The following MED12L variants were observed in gnomAD, a reference collection of about 807,000 sequenced individuals.
The protein encoded by MED12L is mediator complex subunit 12L, also known as mediator of RNA polymerase II transcription subunit 12-like protein.
Under a neutral mutation model 281.3 loss-of-function variants are expected in MED12L, and 60 were observed. The observed-to-expected ratio is 0.21, with a 90% CI of 0.17 to 0.26. The LOEUF is 0.26. Among genes scored for constraint, MED12L ranks in the 10% least tolerant of loss-of-function variants. MED12L has a pLI of 1.00. For synonymous variants in MED12L, 974 were observed against 987.2 expected (o/e 0.99, Z 0.25); for missense variants, 2,146 against 2,680.9 (o/e 0.80, Z 4.41).
chr3:151,134,894 A>G (rs1041531348), intron 5 of MED12L, among the ~76,000 whole-genome samples: 1 of 152,154 alleles, frequency 6.6e-6, no homozygotes, highest in Non-Finnish European at 1.5e-5. Context: ...TTTGTTTGCC[A>G]GAGTGAGATA....
chr3:151,274,519 C>T (rs1355930359), intron 16 of MED12L, among the ~76,000 whole-genome samples: 1 of 152,216 alleles, frequency 6.6e-6, no homozygotes, highest in Non-Finnish European at 1.5e-5. Context: ...GAACATTCAA[C>T]ACTAAAGGCC....
chr3:151,408,125 G>A (rs546013517), intron 39 of MED12L, among the ~76,000 whole-genome samples: 15 of 152,304 alleles, frequency 9.8e-5, no homozygotes, highest in African/African-American at 3.4e-4. Flanking sequence ...GGCACTGCCA[G>A]GTCTTGCTGG....
chr3:151,298,409 C>T (rs891283587), intron 16 of MED12L, among the ~76,000 whole-genome samples: 1 of 152,192 alleles, frequency 6.6e-6, no homozygotes, highest in African/African-American at 2.4e-5. Flanking sequence ...GCTGTTTTCT[C>T]GCAATATGTG....
At chr3:151,283,457 C>T (rs1743078886) in intron 16 of MED12L, among the ~76,000 whole-genome samples, 2 of 152,200 alleles carry the variant, frequency 1.3e-5, no homozygotes, top group African/African-American at 4.8e-5. Context: ...CAGAGGAAAG[C>T]ATTTTCTTTT....
chr3:151,336,001 T>C (rs1750930983), intron 16 of MED12L, among the ~76,000 whole-genome samples: 1 of 152,182 alleles, frequency 6.6e-6, no homozygotes, highest in Non-Finnish European at 1.5e-5. Context: ...TCTCCGAACA[T>C]CTGACCTCCA....
At chr3:151,323,587 C>G (rs191554533) in intron 16 of MED12L, among the ~76,000 whole-genome samples, 69 of 152,302 alleles carry the variant, frequency 4.5e-4, no homozygotes, top group Non-Finnish European at 4.4e-5. Context: ...TTTGAATGCT[C>G]TGTTTTCTTC....
chr3:151,351,054 C>T (rs772754475), intron 17 of MED12L, among the ~76,000 whole-genome samples: 8 of 152,168 alleles, frequency 5.3e-5, no homozygotes, highest in Non-Finnish European at 1.2e-4. Context: ...ATGTAAACAA[C>T]ATTCTTCCTG....
chr3:151,142,582 A>G (rs1717180544), intron 5 of MED12L, among the ~76,000 whole-genome samples: 1 of 152,162 alleles, frequency 6.6e-6, no homozygotes, highest in Non-Finnish European at 1.5e-5. Context: ...TAGAAGCAAT[A>G]ATTCTTACCA....
chr3:151,212,957 A>G (rs941243326), intron 16 of MED12L: 3 of 156,344 alleles, frequency 1.9e-5, no homozygotes, highest in African/African-American at 4.8e-5. Context: ...GTTGTCTTTG[A>G]TTATGTTGTG....
At chr3:151,254,971 G>C (rs1211609935) in intron 16 of MED12L, among the ~76,000 whole-genome samples, 8 of 152,088 alleles carry the variant, frequency 5.3e-5, no homozygotes, top group Non-Finnish European at 1.2e-4. Flanking sequence ...ACTTTGCCTT[G>C]CTGCTCTTTT....
At chr3:151,313,723 A>G (rs58724507) in intron 16 of MED12L, among the ~76,000 whole-genome samples, 4,050 of 152,190 alleles carry the variant, frequency 0.027, 162 homozygotes, top group African/African-American at 0.094. Flanking sequence ...GGGCGCCTAT[A>G]ATCCCAGCCA....
chr3:151,171,107 C>A (rs1721367495), intron 11 of MED12L, among the ~76,000 whole-genome samples: 1 of 152,180 alleles, frequency 6.6e-6, no homozygotes, highest in Admixed American at 6.5e-5. Flanking sequence ...TCTTCTACAA[C>A]ATGTACTCAC....
intron 16 of MED12L, among the ~76,000 whole-genome samples, chr3:151,275,526 A>T (rs371232509): frequency 2.0e-5 from 3 of 152,352 alleles, no homozygotes; most frequent in Non-Finnish European, 4.4e-5. Context: ...ATCTAAAAGC[A>T]TATGACCAGT....
At chr3:151,380,253 C>A (rs770692792) in intron 32 of MED12L, 29 bp downstream of exon 32, 3 of 1,382,400 alleles carry the variant, frequency 2.2e-6, no homozygotes, top group Middle Eastern at 1.8e-4. Flanking sequence ...TTAAGACAGG[C>A]AAATATCTTT....
At chr3:151,177,041 G>A (rs1722137735) in intron 11 of MED12L, among the ~76,000 whole-genome samples, 1 of 152,214 alleles carries the variant, frequency 6.6e-6, no homozygotes, top group Non-Finnish European at 1.5e-5. Flanking sequence ...GCAGAATAAA[G>A]GGGATTGTGC....
At position 151,211,639 on chromosome 3, in the gene MED12L, A is replaced by G. The variant is rs1405037994; in HGVS notation, c.2250+17973A>G. On this transcript the variant is annotated intron_variant, in intron 16 of 44. Coordinates refer to ENST00000687756, the MANE Select transcript of MED12L (RefSeq NM_001393769.1). ...TAAAATATTGATGAGGTTATAGGAC[A>G]TATGAAGTACTTTTGTTTCTTTTTT... Among the ~76,000 whole-genome samples the G allele has an allele frequency of 2.6e-5, 4 of 152,118 alleles. No individual in the cohort carries two copies. The South Asian group carries it at 8.3e-4, about 31-fold the overall frequency.
chr3:151,324,569 G>A (rs1168343320), intron 16 of MED12L, among the ~76,000 whole-genome samples: 1 of 152,204 alleles, frequency 6.6e-6, no homozygotes, highest in Admixed American at 6.5e-5. Context: ...CAGATGGCAA[G>A]CTCTGTGACC....
intron 16 of MED12L, among the ~76,000 whole-genome samples, chr3:151,223,965 T>G (rs1729946275): frequency 6.6e-6 from 1 of 152,220 alleles, no homozygotes; most frequent in South Asian, 2.1e-4. Context: ...GGTAGGGTGG[T>G]TGGACTTTGC....
chr3:151,137,516 T>A (rs550846094), intron 5 of MED12L, among the ~76,000 whole-genome samples: 2 of 152,244 alleles, frequency 1.3e-5, no homozygotes, highest in African/African-American at 4.8e-5. Context: ...TGCTCATTGC[T>A]ACTGGGATGT....
Sources: gnomAD v4.1 joint callset for allele counts (sites outside exome capture counted in the v4.1 genomes callset) on GRCh38, gnomAD v4.1.1 for gene constraint, MANE v1.5 for transcripts, NCBI Gene and HGNC (gene_info 2026-07-23, HGNC 2026-07-21) for gene names.